Variants in BACH2 observed in about 807,000 individuals in gnomAD.
The protein encoded by BACH2 is BACH transcriptional regulator 2, also known as transcription regulator protein BACH2.
A neutral mutation model predicts 61.8 loss-of-function variants in BACH2; 5 were observed. The observed-to-expected ratio is 0.08, with a 90% CI of 0.04 to 0.17. The LOEUF is 0.17. BACH2 is among the 10% of genes least tolerant of loss of function. BACH2 has a pLI of 1.00. For missense variants in BACH2, 824 were observed against 1,091.1 expected, an observed-to-expected ratio of 0.76 and a Z score of 3.45; for synonymous variants, 446 against 440.1, an observed-to-expected ratio of 1.01 and a Z score of -0.17.
chr6:90,231,119 G>A (rs1260064343), intron 3 of BACH2, among the ~76,000 whole-genome samples: 2 of 152,194 alleles, frequency 1.3e-5, no homozygotes, highest in Admixed American at 6.5e-5. Flanking sequence ...GAAAGCAGCT[G>A]TGGTTTGTTT....
intron 2 of BACH2, among the ~76,000 whole-genome samples, chr6:90,266,406 T>A (rs1220130214): frequency 6.6e-6 from 1 of 152,174 alleles, no homozygotes; most frequent in Non-Finnish European, 1.5e-5. Flanking sequence ...TCTTTTCAGC[T>A]GTCTTTCTTC....
intron 8 of BACH2, among the ~76,000 whole-genome samples, chr6:89,933,226 A>G (rs1454405998): frequency 6.6e-6 from 1 of 152,152 alleles, no homozygotes; most frequent in African/African-American, 2.4e-5. Flanking sequence ...GAGTTAAATG[A>G]AAAACTCTCA....
chr6:90,042,459 C>G (rs1015160392), intron 5 of BACH2, among the ~76,000 whole-genome samples: 1 of 152,028 alleles, frequency 6.6e-6, no homozygotes, highest in East Asian at 1.9e-4. Flanking sequence ...CTCGGCCTCC[C>G]AAAGTGCTGG....
rs1358980028 is a variant in BACH2 at position 89,932,101 on chromosome 6, T to C, written c.*307A>G. 1 of 242,268 alleles carries C rather than the reference T, an allele frequency of 4.1e-6. No individual in the cohort carries two copies. The highest frequency in any genetic ancestry group is 8.0e-6 in the Non-Finnish European group (1 of 124,570). The allele number at this position is 242,268 out of a possible 1,614,324, so 15.0% of individuals were successfully genotyped here. A position where few individuals can be genotyped will look rare whatever the true frequency, so the allele number is the denominator to read the frequency against. ...TGACATGGGCCACTGAGAAAAAAAA[T>C]CCGTGGTTGGGGCCTAGAGGTGTTG... On this transcript the variant is annotated 3_prime_UTR_variant, in exon 9 of 9. Transcript: ENST00000257749.
intron 6 of BACH2, among the ~76,000 whole-genome samples, chr6:90,005,089 T>A (rs575490734): frequency 6.6e-6 from 1 of 152,288 alleles, no homozygotes; most frequent in African/African-American, 2.4e-5. Context: ...TGTGAGTGGC[T>A]CTAATGTGCT....
intron 4 of BACH2, among the ~76,000 whole-genome samples, chr6:90,182,459 A>G (rs750174111): frequency 9.2e-5 from 14 of 152,252 alleles, no homozygotes; most frequent in Non-Finnish European, 1.5e-4. Flanking sequence ...CACCCTTTGC[A>G]TGCCCTCAAG....
chr6:89,937,491 G>C (rs1394326265), intron 8 of BACH2, among the ~76,000 whole-genome samples: 1 of 152,114 alleles, frequency 6.6e-6, no homozygotes, highest in Non-Finnish European at 1.5e-5. Context: ...CAGTTTAGAA[G>C]AATACCTGGA....
At chr6:90,106,719 G>C (rs528502410) in intron 4 of BACH2, among the ~76,000 whole-genome samples, 18 of 152,192 alleles carry the variant, frequency 1.2e-4, no homozygotes, top group Non-Finnish European at 2.5e-4. Context: ...AGTGGGTGGC[G>C]CTGATTAAAT....
chr6:89,959,387 C>T (rs1477790107), intron 6 of BACH2, among the ~76,000 whole-genome samples: 1 of 152,204 alleles, frequency 6.6e-6, no homozygotes, highest in Non-Finnish European at 1.5e-5. Flanking sequence ...TTAACAGACT[C>T]AGACTCCCTG....
chr6:90,172,631 T>G (rs76490665), intron 4 of BACH2, among the ~76,000 whole-genome samples: 4,675 of 152,112 alleles, frequency 0.031, 119 homozygotes, highest in East Asian at 0.088. Context: ...ACTGAATATG[T>G]AAGTGTATAC....
chr6:90,209,350 C>T (rs956508485), intron 3 of BACH2, among the ~76,000 whole-genome samples: 5 of 152,026 alleles, frequency 3.3e-5, no homozygotes, highest in Non-Finnish European at 5.9e-5. Context: ...GCTTCAAAGT[C>T]AAGAAAATTC....
chr6:90,109,790 C>G (rs1236325574), intron 4 of BACH2, among the ~76,000 whole-genome samples: 1 of 152,178 alleles, frequency 6.6e-6, no homozygotes, highest in African/African-American at 2.4e-5. Context: ...AAATGAACCA[C>G]TTTCATTAGC....
chr6:90,256,370 A>T (rs1770979082), intron 2 of BACH2, among the ~76,000 whole-genome samples: 1 of 152,178 alleles, frequency 6.6e-6, no homozygotes, highest in African/African-American at 2.4e-5. Context: ...CCTACTCCAT[A>T]AAAACCTTCC....
chr6:90,234,696 TCA>T (rs1234928442), intron 3 of BACH2, among the ~76,000 whole-genome samples: 1 of 152,190 alleles, frequency 6.6e-6, no homozygotes, highest in East Asian at 1.9e-4. Context: ...AAGAAGGTGG[TCA>T]CAGTGTATTC....
intron 5 of BACH2, among the ~76,000 whole-genome samples, chr6:90,086,691 A>C (rs147630255): frequency 2.0e-5 from 3 of 152,286 alleles, no homozygotes; most frequent in African/African-American, 7.2e-5. Context: ...CCTGACCTGT[A>C]GACAGGAAAC....
chr6:90,294,099 G>A (rs929151007), intron 1 of BACH2, among the ~76,000 whole-genome samples: 1 of 152,108 alleles, frequency 6.6e-6, no homozygotes. Flanking sequence ...GTAACTAACA[G>A]GAGTGTTCAC....
chr6:90,135,426 A>G (rs964454727), intron 4 of BACH2, among the ~76,000 whole-genome samples: 2 of 152,206 alleles, frequency 1.3e-5, no homozygotes, highest in African/African-American at 2.4e-5. Context: ...TTCACAAACA[A>G]CCTTTAAAGT....
chr6:90,149,858 C>G (rs1271615898), intron 4 of BACH2, among the ~76,000 whole-genome samples: 1 of 152,156 alleles, frequency 6.6e-6, no homozygotes, highest in African/African-American at 2.4e-5. Flanking sequence ...TGCTGCTATC[C>G]TGGCTATCAT....
At chr6:90,237,145 G>A (rs924338844) in intron 3 of BACH2, among the ~76,000 whole-genome samples, 5 of 152,230 alleles carry the variant, frequency 3.3e-5, no homozygotes, top group South Asian at 2.1e-4. Context: ...GGATGGTCTC[G>A]ATCTCCTGAC....
Sources: gnomAD v4.1 joint callset for allele counts (sites outside exome capture counted in the v4.1 genomes callset) on GRCh38, gnomAD v4.1.1 for gene constraint, MANE v1.5 for transcripts, NCBI Gene and HGNC (gene_info 2026-07-23, HGNC 2026-07-21) for gene names.